The following PPP3CA variants were observed in gnomAD, a reference collection of about 807,000 sequenced individuals.
PPP3CA encodes the protein CAM-PRP catalytic subunit.
A neutral mutation model predicts 66.5 loss-of-function variants in PPP3CA; 14 were observed. The ratio of observed to expected loss-of-function variants is 0.21; its 90% CI spans 0.14 to 0.33. The LOEUF (loss-of-function observed/expected upper bound fraction) is 0.33. Among genes scored for constraint, PPP3CA ranks in the 10% least tolerant of loss-of-function variants. The pLI is 1.00. For missense variants in PPP3CA, 317 were observed against 639.5 expected (o/e 0.50, Z 5.44); for synonymous variants, 232 against 226.2 (o/e 1.03, Z -0.23).
At chr4:101,300,083 G>A (rs1197879440) in intron 1 of PPP3CA, among the ~76,000 whole-genome samples, 1 of 152,186 alleles carries the variant, frequency 6.6e-6, no homozygotes, top group Non-Finnish European at 1.5e-5. Flanking sequence ...AAGTAAATAA[G>A]CAGATAACAG....
intron 1 of PPP3CA, among the ~76,000 whole-genome samples, chr4:101,226,404 T>C (rs1267331855): frequency 1.3e-5 from 2 of 151,786 alleles, no homozygotes; most frequent in Admixed American, 6.6e-5. Flanking sequence ...CCCAGGCTTC[T>C]GTGCAATACG....
intron 1 of PPP3CA, among the ~76,000 whole-genome samples, chr4:101,302,742 G>A (rs1464366005): frequency 6.6e-6 from 1 of 152,162 alleles, no homozygotes; most frequent in African/African-American, 2.4e-5. Context: ...TTCCAATTGA[G>A]AAAGGGAGAA....
intron 11 of PPP3CA, among the ~76,000 whole-genome samples, chr4:101,033,463 C>G (rs1037331498): frequency 6.6e-6 from 1 of 152,278 alleles, no homozygotes; most frequent in South Asian, 2.1e-4. Flanking sequence ...CAGAAATTAG[C>G]AGTTCCATCT....
At chr4:101,046,468 G>C (rs1727770972) in intron 10 of PPP3CA, among the ~76,000 whole-genome samples, 1 of 152,064 alleles carries the variant, frequency 6.6e-6, no homozygotes, top group East Asian at 1.9e-4. Context: ...TATAACTAAT[G>C]CAAGTGTATC....
At chr4:101,073,032 GATTA>G (rs1419779887) in intron 8 of PPP3CA, among the ~76,000 whole-genome samples, 1 of 151,438 alleles carries the variant, frequency 6.6e-6, no homozygotes, top group African/African-American at 2.4e-5. Flanking sequence ...ATTACAGTTG[GATTA>G]ATTACACATA....
intron 1 of PPP3CA, chr4:101,330,181 T>A: frequency 2.6e-6 from 1 of 381,776 alleles, no homozygotes. Context: ...AAACTGACTT[T>A]AAGGAATTTA....
chr4:101,044,278 C>T (rs1727665898), intron 10 of PPP3CA, among the ~76,000 whole-genome samples: 1 of 152,118 alleles, frequency 6.6e-6, no homozygotes, highest in Non-Finnish European at 1.5e-5. Context: ...TTATTTCATT[C>T]CAAATCCTCA....
chr4:101,087,510 T>C (rs1313474097), intron 6 of PPP3CA, among the ~76,000 whole-genome samples: 2 of 152,232 alleles, frequency 1.3e-5, no homozygotes, highest in South Asian at 4.1e-4. Context: ...TATCCTGGCT[T>C]ATAGCATGAA....
intron 1 of PPP3CA, among the ~76,000 whole-genome samples, chr4:101,322,853 A>T (rs1447617742): frequency 6.6e-6 from 1 of 152,194 alleles, no homozygotes; most frequent in Admixed American, 6.5e-5. Context: ...AAAAAAGGTA[A>T]TATTTAGTTA....
At chr4:101,136,926 A>G (rs1722641738) in intron 2 of PPP3CA, among the ~76,000 whole-genome samples, 2 of 152,146 alleles carry the variant, frequency 1.3e-5, no homozygotes, top group African/African-American at 2.4e-5. Flanking sequence ...TTATAACTCA[A>G]AGAGACAATA....
Position 101,301,860 on chromosome 4 carries a change from G to C in PPP3CA, c.58+44879C>G, listed in dbSNP as rs1215947774. On this transcript the variant is annotated intron_variant, in intron 1 of 13. Transcript: ENST00000394854. The stretch of plus-strand genomic sequence containing the variant: ...TATAATTTTAAAAATCACAGTTAAA[G>C]GAAATTACTAGATAATGATCTAATT... Among the ~76,000 whole-genome samples, 10 of 149,262 alleles carry C rather than the reference G, an allele frequency of 6.7e-5. No homozygotes were observed. The East Asian group carries it at 2.0e-3, about 29-fold the overall frequency.
At chr4:101,257,786 T>C (rs974355309) in intron 1 of PPP3CA, among the ~76,000 whole-genome samples, 5 of 152,128 alleles carry the variant, frequency 3.3e-5, no homozygotes, top group Admixed American at 1.3e-4. Flanking sequence ...GAATACGCAT[T>C]ATTTGTATTT....
intron 2 of PPP3CA, chr4:101,171,197 G>A (rs535940442): frequency 1.5e-5 from 7 of 455,854 alleles, no homozygotes; most frequent in Admixed American, 4.7e-5. Flanking sequence ...TTTTACCTTG[G>A]TGTGTGAATC....
chr4:101,243,348 A>G (rs754283320), intron 1 of PPP3CA, among the ~76,000 whole-genome samples: 4 of 152,184 alleles, frequency 2.6e-5, no homozygotes, highest in Non-Finnish European at 5.9e-5. Context: ...TGAACCACGT[A>G]TAAAAGCATT....
At chr4:101,065,213 T>G (rs549284638) in intron 8 of PPP3CA, among the ~76,000 whole-genome samples, 1 of 152,054 alleles carries the variant, frequency 6.6e-6, no homozygotes, top group African/African-American at 2.4e-5. Context: ...ATACTTTTGA[T>G]CTTCAGTATG....
At chr4:101,297,548 A>G (rs565770006) in intron 1 of PPP3CA, among the ~76,000 whole-genome samples, 22 of 152,246 alleles carry the variant, frequency 1.4e-4, no homozygotes, top group African/African-American at 2.4e-4. Flanking sequence ...ATCATGGCCA[A>G]TTGTACCTGC....
chr4:101,221,980 T>A (rs1725640047), intron 1 of PPP3CA, among the ~76,000 whole-genome samples: 1 of 151,672 alleles, frequency 6.6e-6, no homozygotes, highest in Admixed American at 6.6e-5. Context: ...CAGTAAGAGA[T>A]ATCTAACAAA....
intron 10 of PPP3CA, among the ~76,000 whole-genome samples, chr4:101,048,405 GGAA>G (rs973268066): frequency 9.5e-5 from 14 of 147,530 alleles, no homozygotes; most frequent in Admixed American, 8.5e-4. Flanking sequence ...GACAGCTATT[GGAA>G]GAACTCCTTA....
At chr4:101,232,962 T>C (rs937425416) in intron 1 of PPP3CA, among the ~76,000 whole-genome samples, 3 of 151,740 alleles carry the variant, frequency 2.0e-5, no homozygotes, top group Non-Finnish European at 4.4e-5. Flanking sequence ...TCTTCATTTC[T>C]ACATATTAGG....
Sources: allele counts gnomAD v4.1 joint callset (sites outside exome capture counted in the v4.1 genomes callset), GRCh38; gene constraint gnomAD v4.1.1; transcripts MANE v1.5; gene names NCBI Gene and HGNC (gene_info 2026-07-23, HGNC 2026-07-21).